CENPO: variants seen among roughly 807,000 people sequenced by gnomAD.
The protein encoded by CENPO is centromeric protein O.
In CENPO, 30 loss-of-function variants were observed where a neutral mutation model predicts 36.1. The ratio of observed to expected loss-of-function variants is 0.83; its 90% CI spans 0.62 to 1.13. CENPO has a LOEUF of 1.13. Ranked by LOEUF, CENPO falls within the 50% of genes most tolerant of loss-of-function variation. The pLI is 0.00. For synonymous variants in CENPO, 171 were observed against 142.3 expected (o/e 1.20, Z -1.44); for missense variants, 349 against 357.8 (o/e 0.98, Z 0.20).
Position 24,793,448 on chromosome 2 carries a change from C to T in CENPO, c.-122C>T. ...GCAGGATCGCAAAGCACGCCGGGAC[C>T]GGTTGGTTTGGTTTTGAAGACGTGG... is the stretch of plus-strand genomic sequence containing the variant. On this transcript the variant is annotated 5_prime_UTR_variant, in exon 1 of 8. Coordinates refer to ENST00000380834, the MANE Select transcript of CENPO (RefSeq NM_001322101.2). 1.2e-6 allele frequency: 2 copies of T among 1,605,614 alleles called. No homozygotes were observed. Among genetic ancestry groups the T allele is most frequent in the Non-Finnish European group, 1.7e-6 (2 of 1,175,692 alleles).
intron 3 of CENPO, among the ~76,000 whole-genome samples, chr2:24,803,737 T>C (rs1415907309): frequency 6.6e-6 from 1 of 152,154 alleles, no homozygotes; most frequent in Non-Finnish European, 1.5e-5. Context: ...CTGAGGAGTG[T>C]TTTACTTCCA....
rs1388181766 is a variant in CENPO, at chr2:24,821,866, C to T, written c.*2548C>T. 12 of 542,658 alleles carry T rather than the reference C, an allele frequency of 2.2e-5. No homozygotes were observed. The highest frequency in any genetic ancestry group is 7.0e-5 in the East Asian group (2 of 28,614). 33.6% of individuals were successfully genotyped at this position (542,658 alleles called of 1,614,324 possible). A position where few individuals can be genotyped will look rare whatever the true frequency, so the allele number is the denominator to read the frequency against. ...AGACTGGGCAATTGAGCAGAGGAGA[C>T]GGACCTGTGAGTCTGACCACGAGGC... is the stretch of plus-strand genomic sequence containing the variant. On this transcript the variant is annotated 3_prime_UTR_variant, in exon 8 of 8. Transcript: ENST00000380834.
chr2:24,821,024 G>T lies in CENPO; in HGVS notation c.*1706G>T. Reference sequence around the variant, plus strand: ...GAAATCACATCTCCTGTTTATCCGTGTGCTTGTTAGGTGTCAGCCGCCACC... The same window carrying T: ...GAAATCACATCTCCTGTTTATCCGTTTGCTTGTTAGGTGTCAGCCGCCACC... On this transcript the variant is annotated 3_prime_UTR_variant, in exon 8 of 8. Coordinates refer to ENST00000380834, the MANE Select transcript of CENPO (RefSeq NM_001322101.2). 1.1e-6 allele frequency: 1 copy of T among 906,562 alleles called. No homozygotes were observed. The highest frequency in any genetic ancestry group is 1.6e-6 in the Non-Finnish European group (1 of 625,336). 56.2% of individuals were successfully genotyped at this position (906,562 alleles called of 1,614,324 possible). A position where few individuals can be genotyped will look rare whatever the true frequency, so the allele number is the denominator to read the frequency against.
intron 2 of CENPO, among the ~76,000 whole-genome samples, chr2:24,795,738 C>T (rs961931072): frequency 3.3e-5 from 5 of 152,250 alleles, no homozygotes; most frequent in East Asian, 1.9e-4. Flanking sequence ...TCTATGTGTG[C>T]GTGCTTTTCA....
intron 3 of CENPO, among the ~76,000 whole-genome samples, chr2:24,807,203 A>C (rs1219676503): frequency 6.6e-6 from 1 of 151,882 alleles, no homozygotes; most frequent in Non-Finnish European, 1.5e-5. Context: ...ATATATATGA[A>C]GTGCACTATG....
At chr2:24,805,106 A>G (rs1666333958) in intron 3 of CENPO, among the ~76,000 whole-genome samples, 1 of 151,960 alleles carries the variant, frequency 6.6e-6, no homozygotes, top group Non-Finnish European at 1.5e-5. Flanking sequence ...CCTTTCTTCC[A>G]GTTGATCGAA....
chr2:24,794,118 C>T (rs1293497262), intron 2 of CENPO, among the ~76,000 whole-genome samples, 153 bp downstream of exon 2: 1 of 152,158 alleles, frequency 6.6e-6, no homozygotes, highest in Admixed American at 6.5e-5. Context: ...GGACAGGCAG[C>T]CAAGATTATT....
At position 24,819,729 on chromosome 2, in the gene CENPO, C is replaced by G; in HGVS notation, c.*411C>G. 1.7e-6 allele frequency: 1 copy of G among 588,864 alleles called. No individual in the cohort carries two copies. Among genetic ancestry groups the G allele is most frequent in the East Asian group, 3.1e-5 (1 of 32,324 alleles). The allele number at this position is 588,864 out of a possible 1,614,324, so 36.5% of individuals were successfully genotyped here. Reference sequence around the variant, plus strand: ...CTGTTCAGCCCTATGCCTAAGACCCCTATGCTGGGGACACTACAGGCACAC... The same window carrying G: ...CTGTTCAGCCCTATGCCTAAGACCCGTATGCTGGGGACACTACAGGCACAC... On this transcript the variant is annotated 3_prime_UTR_variant, in exon 8 of 8. Coordinates refer to ENST00000380834, the MANE Select transcript of CENPO (RefSeq NM_001322101.2).
rs200386691 is a variant in CENPO at position 24,815,666 on chromosome 2, T to C, written c.504T>C (p.Tyr168=). 1.2e-5 allele frequency: 20 copies of C among 1,614,076 alleles called. No individual in the cohort carries two copies. The East Asian group carries it at 4.5e-4, about 36-fold the overall frequency. ...CCCTGGAAGAGATAGCTGCAAAATA[T>C]TTACAGACCAACATCCAGCACTTCC... The part of the protein sequence containing the change: ...FIPLEEIAAK[Y]LQTNIQHFLF... Residue 168 remains tyrosine (Y), a synonymous_variant, in exon 5 of 8, where the codon TAT becomes TAC. Transcript: ENST00000380834.
intron 4 of CENPO, among the ~76,000 whole-genome samples, chr2:24,814,982 T>C (rs1460501370): frequency 6.6e-6 from 1 of 152,234 alleles, no homozygotes; most frequent in Admixed American, 6.5e-5. Context: ...TGCTTATGCC[T>C]GTAATCCCAT....
At chr2:24,814,722 T>TG (rs1331203950) in intron 4 of CENPO, 1 of 514,570 alleles carries the variant, frequency 1.9e-6, no homozygotes, top group Non-Finnish European at 3.5e-6. Flanking sequence ...GCAGCTCAGT[T>TG]GGTGGCTGGC....
At position 24,822,222 on chromosome 2, in the gene CENPO, T is replaced by C. The variant is rs778868363; in HGVS notation, c.*2904T>C. ...TGCTTTCAGTTTCCCTTGTTGACAATTGCTCTCCAGTTCCTATGAAAGCAC... is the reference window on the plus strand; with the variant it reads ...TGCTTTCAGTTTCCCTTGTTGACAACTGCTCTCCAGTTCCTATGAAAGCAC... On this transcript the variant is annotated 3_prime_UTR_variant, in exon 8 of 8. Transcript: ENST00000380834. The C allele has an allele frequency of 3.7e-6, 1 of 270,904 alleles. No homozygotes were observed. Among genetic ancestry groups the C allele is most frequent in the Non-Finnish European group, 7.0e-6 (1 of 143,452 alleles). 16.8% of individuals were successfully genotyped at this position (270,904 alleles called of 1,614,324 possible).
intron 2 of CENPO, among the ~76,000 whole-genome samples, chr2:24,798,548 C>T (rs1666017534): frequency 6.6e-6 from 1 of 152,098 alleles, no homozygotes; most frequent in African/African-American, 2.4e-5. Flanking sequence ...GCAAGCTCCG[C>T]CTCCTGGGTT....
rs1339242349 is a variant in CENPO, at chr2:24,815,866, GT to G, written c.594+112del. ...CTAACTGTGAGTTAGAAGTTTGACC[GT>G]TACCTTTCCGATGCTTGTTTCTTAT... On this transcript the variant is annotated intron_variant, in intron 5 of 7. Coordinates refer to ENST00000380834, the MANE Select transcript of CENPO (RefSeq NM_001322101.2). The G allele has an allele frequency of 4.0e-6, 4 of 996,944 alleles. No homozygotes were observed. In the East Asian group the frequency reaches 9.8e-5, roughly 24 times the overall value. 61.8% of individuals were successfully genotyped at this position (996,944 alleles called of 1,614,324 possible).
chr2:24,820,894 G>C lies in CENPO; in HGVS notation c.*1576G>C. The C allele has an allele frequency of 6.2e-7, 1 of 1,604,578 alleles. No homozygotes were observed. On this transcript the variant is annotated 3_prime_UTR_variant, in exon 8 of 8. Coordinates refer to ENST00000380834, the MANE Select transcript of CENPO (RefSeq NM_001322101.2). ...TCAGCACAGCCACAGGCCACACCTT[G>C]TTATGGGCCTCAGAAGCCATCTCCT... is the stretch of plus-strand genomic sequence containing the variant.
chr2:24,801,207 AT>A (rs1572725320), intron 3 of CENPO, among the ~76,000 whole-genome samples: 1 of 152,104 alleles, frequency 6.6e-6, no homozygotes, highest in Non-Finnish European at 1.5e-5. Flanking sequence ...GTTTGAGTTC[AT>A]TGTAGATTCT....
At chr2:24,807,778 A>G (rs1666486489) in intron 3 of CENPO, among the ~76,000 whole-genome samples, 1 of 152,176 alleles carries the variant, frequency 6.6e-6, no homozygotes, top group Admixed American at 6.5e-5. Flanking sequence ...ATTGTCCTGC[A>G]TTTTTACCAA....
Position 24,820,198 on chromosome 2 carries a change from C to T in CENPO, c.*880C>T, listed in dbSNP as rs529493727. On this transcript the variant is annotated 3_prime_UTR_variant, in exon 8 of 8. Transcript: ENST00000380834. ...GGTGGGGGCTTTGGGTGGTTGGAGC[C>T]GAGCACTGATCCATGGGTCCCAAGC... The T allele has an allele frequency of 1.7e-5, 22 of 1,283,786 alleles. No homozygotes were observed. The highest frequency in any genetic ancestry group is 1.0e-4 in the East Asian group (4 of 39,674). The allele number at this position is 1,283,786 out of a possible 1,614,324, so 79.5% of individuals were successfully genotyped here.
At chr2:24,815,413 C>A in intron 4 of CENPO, 84 bp from the exon 5 acceptor site, 1 of 980,870 alleles carries the variant, frequency 1.0e-6, no homozygotes, top group Non-Finnish European at 1.6e-6. Flanking sequence ...ATATTCTAGG[C>A]ACTGTGGAAG....
Sources: gnomAD v4.1 joint callset for allele counts (sites outside exome capture counted in the v4.1 genomes callset) on GRCh38, gnomAD v4.1.1 for gene constraint, MANE v1.5 for transcripts, NCBI Gene and HGNC (gene_info 2026-07-23, HGNC 2026-07-21) for gene names.